The following THAP10 variants were observed in gnomAD, a reference collection of about 807,000 sequenced individuals.
THAP10 encodes the protein THAP domain-containing protein 10.
THAP10 carries 10 observed loss-of-function variants against 15.7 expected under a neutral mutation model. That is an observed-to-expected ratio of 0.64 (90% CI 0.39 to 1.08). The LOEUF is 1.08. Among genes scored for constraint, THAP10 ranks in the 50% least tolerant of loss-of-function variants. THAP10 has a pLI of 0.01. For synonymous variants in THAP10, 127 were observed against 129.1 expected, an observed-to-expected ratio of 0.98 and a Z score of 0.11; for missense variants, 310 against 330.9, an observed-to-expected ratio of 0.94 and a Z score of 0.49.
chr15:70,883,655 T>TA (rs1433547332), intron 1 of THAP10, among the ~76,000 whole-genome samples: 1 of 151,604 alleles, frequency 6.6e-6, no homozygotes, highest in East Asian at 1.9e-4. Flanking sequence ...TGGAATTTTT[T>TA]TTTTTTTTTT....
intron 1 of THAP10, 55 bp from the exon 2 acceptor site, chr15:70,882,963 T>C: frequency 6.3e-7 from 1 of 1,576,998 alleles, no homozygotes; most frequent in Non-Finnish European, 8.6e-7. Flanking sequence ...TAGGATTTTA[T>C]CTTTCAAAAG....
chr15:70,889,109 C>T (rs1448148875), intron 1 of THAP10, among the ~76,000 whole-genome samples: 1 of 152,098 alleles, frequency 6.6e-6, no homozygotes, highest in African/African-American at 2.4e-5. Flanking sequence ...GAAATGTGTG[C>T]ACACGTGGAC....
chr15:70,891,990 G>A lies in THAP10; in HGVS notation c.283C>T (p.Pro95Ser). Residue 95 changes from proline to serine, a missense_variant, in exon 1 of 3, where the codon CCG (proline) becomes TCG (serine). Physicochemically the swap from Pro to Ser is moderately conservative, Grantham distance 74 (BLOSUM62 -1). Transcript: ENST00000249861. ...CCCTCCTCTCCCCTCTTAGGTGCCG[G>A]GGCGGGCACCCGGTGCAGGGTGGGC... Reference protein sequence around the residue: ...AVPTLHRVPAPAPKRGEEGDQ... With the variant: ...AVPTLHRVPASAPKRGEEGDQ... The A allele has an allele frequency of 6.2e-7, 1 of 1,613,204 alleles. No homozygotes were observed. Among genetic ancestry groups the A allele is most frequent in the Non-Finnish European group, 8.5e-7 (1 of 1,179,730 alleles).
chr15:70,890,653 A>T (rs2033530911), intron 1 of THAP10, among the ~76,000 whole-genome samples: 1 of 152,240 alleles, frequency 6.6e-6, no homozygotes, highest in Admixed American at 6.5e-5. Context: ...ACGAAGAATG[A>T]GAGTACATAA....
Position 70,883,474 on chromosome 15 carries a change from G to A in THAP10, c.430-566C>T, listed in dbSNP as rs185934523. On this transcript the variant is annotated intron_variant, in intron 1 of 2. Coordinates refer to ENST00000249861, the MANE Select transcript of THAP10 (RefSeq NM_020147.4). Reference sequence around the variant, plus strand: ...CTCCCAAAGTGTTGGGTTTACAGGCGTGAGGCACCTCGCCCAACCAAGATG... The same window carrying A: ...CTCCCAAAGTGTTGGGTTTACAGGCATGAGGCACCTCGCCCAACCAAGATG... 4.1e-4 allele frequency among the ~76,000 whole-genome samples: 62 copies of A among 152,198 alleles called. 1 individual carries two copies. The highest frequency in any genetic ancestry group is 1.1e-3 in the African/African-American group (47 of 41,530).
At position 70,892,182 on chromosome 15, in the gene THAP10, G is replaced by A. The variant is rs1364016309; in HGVS notation, c.91C>T (p.Leu31=). 91 of 1,610,206 alleles carry A rather than the reference G, an allele frequency of 5.7e-5. No individual in the cohort carries two copies. The highest frequency in any genetic ancestry group is 7.7e-5 in the Non-Finnish European group (91 of 1,178,452). The change falls in exon 1 of 3, where the codon CTG becomes TTG. Residue 31 remains leucine, a synonymous_variant. Coordinates refer to ENST00000249861, the MANE Select transcript of THAP10 (RefSeq NM_020147.4). ...FRFPKDRAVR[L]LWDRFVRGCR... ...CCCCGCACGAAGCGGTCCCAGAGCA[G>A]CCGCACGGCCCGGTCCTTGGGAAAG...
rs2033293228 is a variant in THAP10 at position 70,882,640 on chromosome 15, G to A, written c.588C>T (p.Ala196=). ...RPRHRSVGIQ[A]KVKAFGKRLC... ...GTCTTTTTCCAAACGCTTTCACTTT[G>A]GCTTGAATACCTGAAAGAGAATAAG... The change falls in exon 3 of 3, where the codon GCC becomes GCT. Residue 196 remains alanine, a synonymous_variant. Transcript: ENST00000249861. 1 of 1,613,646 alleles carries A rather than the reference G, an allele frequency of 6.2e-7. No individual in the cohort carries two copies. Among genetic ancestry groups the A allele is most frequent in the Non-Finnish European group, 8.5e-7 (1 of 1,179,758 alleles).
At position 70,892,234 on chromosome 15, in the gene THAP10, G is replaced by A; in HGVS notation, c.39C>T (p.Thr13=). The A allele has an allele frequency of 6.3e-7, 1 of 1,589,454 alleles. No homozygotes were observed. Among genetic ancestry groups the A allele is most frequent in the East Asian group, 2.3e-5 (1 of 43,682 alleles). ...ARCVAAHCGN[T]TKSGKSLFRF... ...GGAACAGCGACTTCCCAGACTTGGT[G>A]GTGTTGCCGCAGTGGGCGGCCACAC... The change falls in exon 1 of 3, where the codon ACC becomes ACT. Residue 13 remains threonine, a synonymous_variant. Transcript: ENST00000249861.
Position 70,891,882 on chromosome 15 carries a change from T to C in THAP10, c.391A>G (p.Thr131Ala). The C allele has an allele frequency of 6.2e-7, 1 of 1,611,810 alleles. No individual in the cohort carries two copies. The part of the protein sequence containing the change: ...SEAAPGPVSC[T>A]RPRAGKQAAA... ...GCCTGCTTCCCAGCTCGGGGGCGTG[T>C]ACAGGAGACTGGACCTGGGGCAGCC... is the stretch of plus-strand genomic sequence containing the variant. The change falls in exon 1 of 3, where the codon ACA becomes GCA. Residue 131 changes from threonine to alanine, a missense_variant. Coordinates refer to ENST00000249861, the MANE Select transcript of THAP10 (RefSeq NM_020147.4).
At position 70,891,873 on chromosome 15, in the gene THAP10, G is replaced by C; in HGVS notation, c.400C>G (p.Arg134Gly). The C allele has an allele frequency of 1.2e-6, 2 of 1,606,628 alleles. No individual in the cohort carries two copies. The highest frequency in any genetic ancestry group is 1.7e-6 in the Non-Finnish European group (2 of 1,176,914). ...APGPVSCTRP[R>G]AGKQAAASQI... is the part of the protein sequence containing the mutation. Reference sequence around the variant, plus strand: ...GAAGCTGCAGCCTGCTTCCCAGCTCGGGGGCGTGTACAGGAGACTGGACCT... The same window carrying C: ...GAAGCTGCAGCCTGCTTCCCAGCTCCGGGGCGTGTACAGGAGACTGGACCT... Residue 134 changes from arginine (R) to glycine (G), a missense_variant, in exon 1 of 3, where the codon CGA (arginine) becomes GGA (glycine). By Grantham distance (125) the Arg-to-Gly change is moderately radical. Transcript: ENST00000249861.
intron 1 of THAP10, 52 bp downstream of exon 1, chr15:70,891,792 G>A: frequency 6.9e-7 from 1 of 1,441,480 alleles, no homozygotes. Context: ...AAGTGGAGGA[G>A]CCCAGCCAGA....
chr15:70,882,476 T>C lies in THAP10; in HGVS notation c.752A>G (p.Gln251Arg), dbSNP rs567289905. 1 of 1,612,414 alleles carries C rather than the reference T, an allele frequency of 6.2e-7. No homozygotes were observed. The highest frequency in any genetic ancestry group is 1.1e-5 in the South Asian group (1 of 90,686). ...TTTTTAACATGTTTCTTCTTTCACC[T>C]GTACAGCCATATAAGACAAATCACT... ...EQSDLSYMAVQVKEETC is the reference protein window; with the variant it reads ...EQSDLSYMAVRVKEETC The change falls in exon 3 of 3, where the codon CAG (glutamine) becomes CGG (arginine). Residue 251 changes from glutamine to arginine, a missense_variant. By Grantham distance (43) the Gln-to-Arg change is conservative. Transcript: ENST00000249861.
chr15:70,889,367 C>G (rs564683477), intron 1 of THAP10, among the ~76,000 whole-genome samples: 4 of 151,376 alleles, frequency 2.6e-5, no homozygotes, highest in African/African-American at 7.3e-5. Context: ...ATCCCCCCCC[C>G]AAAAAAAAGC....
At chr15:70,887,071 C>G (rs1298444454) in intron 1 of THAP10, among the ~76,000 whole-genome samples, 1 of 151,898 alleles carries the variant, frequency 6.6e-6, no homozygotes, top group Non-Finnish European at 1.5e-5. Flanking sequence ...TACTATTTAT[C>G]AAAATGGATA....
Position 70,882,410 on chromosome 15 carries a change from G to A in THAP10, c.*44C>T. On this transcript the variant is annotated 3_prime_UTR_variant, in exon 3 of 3. Coordinates refer to ENST00000249861, the MANE Select transcript of THAP10 (RefSeq NM_020147.4). ...GCAAAGAGATAATTATGTGAGTAAA[G>A]ATTTGAAAATCTATAGCACATCAGA... 1 of 1,433,530 alleles carries A rather than the reference G, an allele frequency of 7.0e-7. No homozygotes were observed. The highest frequency in any genetic ancestry group is 9.6e-7 in the Non-Finnish European group (1 of 1,039,756). The allele number at this position is 1,433,530 out of a possible 1,614,324, so 88.8% of individuals were successfully genotyped here. A position where few individuals can be genotyped will look rare whatever the true frequency, so the allele number is the denominator to read the frequency against.
chr15:70,884,244 A>C (rs1027757774), intron 1 of THAP10, among the ~76,000 whole-genome samples: 9 of 152,122 alleles, frequency 5.9e-5, no homozygotes, highest in Non-Finnish European at 1.3e-4. Flanking sequence ...ACCCAAGTTA[A>C]AGAAACTTTG....
chr15:70,888,191 T>C (rs1440878649), intron 1 of THAP10, among the ~76,000 whole-genome samples: 1 of 152,146 alleles, frequency 6.6e-6, no homozygotes, highest in Non-Finnish European at 1.5e-5. Flanking sequence ...AATTCTGAAA[T>C]GTATCTAGAA....
Position 70,892,095 on chromosome 15 carries a change from G to A in THAP10, c.178C>T (p.Pro60Ser). 2 of 1,613,972 alleles carry A rather than the reference G, an allele frequency of 1.2e-6. No individual in the cohort carries two copies. Among genetic ancestry groups the A allele is most frequent in the Non-Finnish European group, 1.7e-6 (2 of 1,179,942 alleles). The stretch of plus-strand genomic sequence containing the variant: ...ACCGAAGAGACGTCAAAACAGGCTG[G>A]GGCAAAGTGGTCAGAGCAGATGACC... ...RSVICSDHFA[P>S]ACFDVSSVIQ... Residue 60 changes from proline (P) to serine (S), a missense_variant, in exon 1 of 3, where the codon CCA (proline) becomes TCA (serine). Coordinates refer to ENST00000249861, the MANE Select transcript of THAP10 (RefSeq NM_020147.4).
At chr15:70,883,745 C>G (rs2033329591) in intron 1 of THAP10, among the ~76,000 whole-genome samples, 1 of 151,400 alleles carries the variant, frequency 6.6e-6, no homozygotes, top group Admixed American at 6.6e-5. Context: ...ACATCCACCT[C>G]CCGGGTTCAA....
Sources: allele counts gnomAD v4.1 joint callset (sites outside exome capture counted in the v4.1 genomes callset), GRCh38; gene constraint gnomAD v4.1.1; transcripts MANE v1.5; gene names NCBI Gene and HGNC (gene_info 2026-07-23, HGNC 2026-07-21).